The following SDHAF2 variants were observed in gnomAD, a reference collection of about 807,000 sequenced individuals.
SDHAF2 encodes the protein succinate dehydrogenase assembly factor 2, mitochondrial.
A neutral mutation model predicts 18.5 loss-of-function variants in SDHAF2; 21 were observed. That is an observed-to-expected ratio of 1.13 (90% CI 0.80 to 1.63). SDHAF2 has a LOEUF of 1.63. Among genes scored for constraint, SDHAF2 ranks in the 40% most tolerant of loss-of-function variants. The pLI is 0.00. For missense variants in SDHAF2, 195 were observed against 200.3 expected, an observed-to-expected ratio of 0.97 and a Z score of 0.16; for synonymous variants, 84 against 70.7, an observed-to-expected ratio of 1.19 and a Z score of -0.94.
chr11:61,437,895 C>A, intron 2 of SDHAF2, 47 bp downstream of exon 2: 1 of 1,582,620 alleles, frequency 6.3e-7, no homozygotes, highest in Non-Finnish European at 8.7e-7. Flanking sequence ...GCTTCCTGAG[C>A]CAGAGTAGGT....
At chr11:61,436,717 C>T (rs1428498691) in intron 1 of SDHAF2, 3 of 449,352 alleles carry the variant, frequency 6.7e-6, no homozygotes, top group African/African-American at 6.1e-5. Flanking sequence ...TTTGTGCTCA[C>T]CTGGGGAGCA....
At chr11:61,437,003 GA>G in intron 1 of SDHAF2, 2 of 1,174,084 alleles carry the variant, frequency 1.7e-6, no homozygotes, top group South Asian at 3.3e-5. Context: ...AATTTTAAGG[GA>G]GTGCAAAGGA....
intron 1 of SDHAF2, chr11:61,434,627 A>G (rs568946988): frequency 7.8e-6 from 1 of 127,668 alleles, no homozygotes; most frequent in East Asian, 2.1e-4. Flanking sequence ...AACCCTGACT[A>G]ATTTCAAATG....
At chr11:61,443,730 G>A (rs920112471) in intron 3 of SDHAF2, among the ~76,000 whole-genome samples, 9 of 151,942 alleles carry the variant, frequency 5.9e-5, no homozygotes, top group South Asian at 2.1e-4. Context: ...TCCTGCCTCA[G>A]CCTCCTGAGT....
intron 1 of SDHAF2, chr11:61,433,685 G>A (rs1210513686): frequency 2.0e-5 from 3 of 152,186 alleles, no homozygotes; most frequent in Non-Finnish European, 2.9e-5. Context: ...AATGTTTATG[G>A]TGGGGCTTGG....
At chr11:61,440,658 G>A (rs865828735) in intron 3 of SDHAF2, among the ~76,000 whole-genome samples, 7 of 152,136 alleles carry the variant, frequency 4.6e-5, no homozygotes, top group South Asian at 4.1e-4. Context: ...AATATAGATA[G>A]TAAGCTTTTT....
Position 61,446,018 on chromosome 11 carries a change from G to A in SDHAF2, c.448G>A (p.Glu150Lys), listed in dbSNP as rs1300630237. The change falls in exon 4 of 4, where the codon GAG (glutamate) becomes AAG (lysine). Residue 150 changes from glutamate (E) to lysine (K), a missense_variant. Glu to Lys is a moderately conservative substitution (Grantham distance 56). Transcript: ENST00000301761. ...AGACTTTGCTAAAAACAAAAACAAA[G>A]AGCAGAGACTGCGTGCCCCAGATCT... ...LRDFAKNKNK[E>K]QRLRAPDLEY... is the part of the protein sequence containing the mutation. 2 of 1,614,144 alleles carry A rather than the reference G, an allele frequency of 1.2e-6. No individual in the cohort carries two copies. Among genetic ancestry groups the A allele is most frequent in the Admixed American group, 1.7e-5 (1 of 60,018 alleles).
chr11:61,436,868 A>G (rs1013778564), intron 1 of SDHAF2: 1 of 1,288,262 alleles, frequency 7.8e-7, no homozygotes, highest in African/African-American at 1.5e-5. Context: ...CCACCTTGAC[A>G]TCATATCTTG....
At chr11:61,434,696 C>T (rs1861973388) in intron 1 of SDHAF2, 1 of 142,842 alleles carries the variant, frequency 7.0e-6, no homozygotes, top group South Asian at 2.2e-4. Context: ...TATTGATTTT[C>T]TCTAGTGAAT....
intron 1 of SDHAF2, chr11:61,433,660 GA>G (rs1346861280): frequency 4.6e-5 from 7 of 152,204 alleles, no homozygotes; most frequent in African/African-American, 1.7e-4. Flanking sequence ...CCCAGTCCTA[GA>G]GATTCTCATC....
intron 1 of SDHAF2, chr11:61,437,009 A>G: frequency 8.5e-7 from 1 of 1,171,920 alleles, no homozygotes; most frequent in South Asian, 1.6e-5. Flanking sequence ...AAGGGAGTGC[A>G]AAGGAAGGAA....
In SDHAF2 at chr11:61,446,464, C is replaced by G; in HGVS notation, c.*393C>G. ...CGTGCTGTATGGAAAGCCTCCCGCC[C>G]TCCCTGCAGCTCCCCGCCCTCAGTG... On this transcript the variant is annotated 3_prime_UTR_variant, in exon 4 of 4. Coordinates refer to ENST00000301761, the MANE Select transcript of SDHAF2 (RefSeq NM_017841.4). 1.9e-6 allele frequency: 1 copy of G among 528,218 alleles called. No homozygotes were observed. The highest frequency in any genetic ancestry group is 3.0e-5 in the East Asian group (1 of 33,700). The allele number at this position is 528,218 out of a possible 1,614,324, so 32.7% of individuals were successfully genotyped here.
intron 3 of SDHAF2, among the ~76,000 whole-genome samples, chr11:61,443,171 T>C (rs1862091143): frequency 6.6e-6 from 1 of 152,254 alleles, no homozygotes; most frequent in African/African-American, 2.4e-5. Flanking sequence ...ACTAATTCTT[T>C]CCTTGATGAT....
chr11:61,446,504 T>G lies in SDHAF2; in HGVS notation c.*433T>G. 4.0e-6 allele frequency: 2 copies of G among 502,836 alleles called. No homozygotes were observed. The highest frequency in any genetic ancestry group is 1.9e-5 in the African/African-American group (1 of 51,850). The allele number at this position is 502,836 out of a possible 1,614,324, so 31.1% of individuals were successfully genotyped here. A position where few individuals can be genotyped will look rare whatever the true frequency, so the allele number is the denominator to read the frequency against. On this transcript the variant is annotated 3_prime_UTR_variant, in exon 4 of 4. Coordinates refer to ENST00000301761, the MANE Select transcript of SDHAF2 (RefSeq NM_017841.4). ...CGCCCTCAGTGGCCCAGGGCTTTGT[T>G]GAAGTGGAACTCCCCACTTCCAACC...
chr11:61,445,854 T>C lies in SDHAF2; in HGVS notation c.371-87T>C, dbSNP rs555599875. 1.7e-5 allele frequency: 24 copies of C among 1,450,692 alleles called. No individual in the cohort carries two copies. The Admixed American group carries it at 2.9e-4, about 17-fold the overall frequency. 89.9% of individuals were successfully genotyped at this position (1,450,692 alleles called of 1,614,324 possible). A position where few individuals can be genotyped will look rare whatever the true frequency, so the allele number is the denominator to read the frequency against. On this transcript the variant is annotated intron_variant, in intron 3 of 3. Coordinates refer to ENST00000301761, the MANE Select transcript of SDHAF2 (RefSeq NM_017841.4). The stretch of plus-strand genomic sequence containing the variant: ...CAGTCTATATATCCATCTGTGGTTC[T>C]TGGCCAGTGTTTCGAGTTTTAAGAT...
intron 1 of SDHAF2, chr11:61,436,853 G>T: frequency 7.8e-7 from 1 of 1,286,338 alleles, no homozygotes; most frequent in Non-Finnish European, 1.0e-6. Context: ...CTCTTGCTGA[G>T]GTCACCACCT....
intron 3 of SDHAF2, among the ~76,000 whole-genome samples, chr11:61,440,787 G>A (rs1355116228): frequency 6.6e-6 from 1 of 152,124 alleles, no homozygotes; most frequent in Non-Finnish European, 1.5e-5. Context: ...GCCACAGATA[G>A]CAGGTAAACG....
intron 1 of SDHAF2, chr11:61,430,598 A>G (rs116799145): frequency 0.015 from 3,664 of 240,648 alleles, 142 homozygotes; most frequent in African/African-American, 0.078. Flanking sequence ...TAATGTTTTA[A>G]TACATGTGTA....
intron 1 of SDHAF2, chr11:61,436,806 A>G: frequency 1.9e-6 from 2 of 1,077,114 alleles, no homozygotes; most frequent in African/African-American, 1.6e-5. Context: ...TCCATCGGGG[A>G]AGGAGGATCT....
Sources: gnomAD v4.1 joint callset for allele counts (sites outside exome capture counted in the v4.1 genomes callset) on GRCh38, gnomAD v4.1.1 for gene constraint, MANE v1.5 for transcripts, NCBI Gene and HGNC (gene_info 2026-07-23, HGNC 2026-07-21) for gene names.